Variants in COG3 observed in about 807,000 individuals in gnomAD.
COG3 encodes the protein component of oligomeric golgi complex 3.
COG3 carries 32 observed loss-of-function variants against 114.1 expected under a neutral mutation model. The ratio of observed to expected loss-of-function variants is 0.28; its 90% CI spans 0.21 to 0.38. The LOEUF (loss-of-function observed/expected upper bound fraction) is 0.38. COG3 is among the 10% of genes least tolerant of loss of function. The pLI is 1.00. For missense variants in COG3, 813 were observed against 973.2 expected (o/e 0.84, Z 2.19); for synonymous variants, 352 against 365.7 (o/e 0.96, Z 0.43).
At chr13:45,517,386 T>G (rs1207486086) in intron 17 of COG3, among the ~76,000 whole-genome samples, 1 of 152,210 alleles carries the variant, frequency 6.6e-6, no homozygotes, top group African/African-American at 2.4e-5. Flanking sequence ...TGATGATTCT[T>G]CTTAAAACAG....
At chr13:45,491,612 T>A in intron 10 of COG3, 74 bp downstream of exon 10, 3 of 1,397,200 alleles carry the variant, frequency 2.1e-6, no homozygotes. Flanking sequence ...AAACTATACC[T>A]GGTTAAATAA....
chr13:45,476,307 C>T lies in COG3; in HGVS notation c.281C>T (p.Ser94Phe), dbSNP rs749623132. 1.9e-6 allele frequency: 3 copies of T among 1,613,808 alleles called. No individual in the cohort carries two copies. The highest frequency in any genetic ancestry group is 3.3e-5 in the Admixed American group (2 of 60,006). Residue 94 changes from serine to phenylalanine, a missense_variant, in exon 2 of 23, where the codon TCC becomes TTC. Ser to Phe is a radical substitution (Grantham distance 155). This residue lies in a region of COG3 where 424 missense variants were observed against 430.6 expected (regional missense o/e 0.98). Coordinates refer to ENST00000349995, the MANE Select transcript of COG3 (RefSeq NM_031431.4). ...TEDILLKGFT[S>F]LGMEEERIET... ...GACATTCTCTTGAAGGGCTTCACTT[C>T]CTTAGGAATGGAAGAAGAAAGAATT... is the stretch of plus-strand genomic sequence containing the variant.
chr13:45,528,577 A>G (rs1314968465), intron 20 of COG3, among the ~76,000 whole-genome samples: 1 of 152,246 alleles, frequency 6.6e-6, no homozygotes, highest in Non-Finnish European at 1.5e-5. Flanking sequence ...TCCTTCTTTC[A>G]GAGGCAACTA....
At chr13:45,483,073 A>G (rs911184843) in intron 6 of COG3, among the ~76,000 whole-genome samples, 157 bp from the exon 7 acceptor site, 6 of 152,362 alleles carry the variant, frequency 3.9e-5, no homozygotes, top group South Asian at 4.1e-4. Flanking sequence ...TAAGACAGTC[A>G]CAGTATTTAT....
intron 14 of COG3, among the ~76,000 whole-genome samples, chr13:45,507,188 T>A (rs1870251351): frequency 6.6e-6 from 1 of 152,244 alleles, no homozygotes; most frequent in Non-Finnish European, 1.5e-5. Flanking sequence ...ACTAAACTTT[T>A]ATTTGGGAGA....
intron 1 of COG3, among the ~76,000 whole-genome samples, chr13:45,468,061 T>C (rs1231643718): frequency 6.6e-6 from 1 of 152,236 alleles, no homozygotes; most frequent in African/African-American, 2.4e-5. Flanking sequence ...AGGTAGACTT[T>C]TGTAGCCAGG....
At chr13:45,522,214 G>T (rs1192281247) in intron 19 of COG3, among the ~76,000 whole-genome samples, 4 of 150,256 alleles carry the variant, frequency 2.7e-5, no homozygotes, top group Non-Finnish European at 5.9e-5. Flanking sequence ...GTGTTTGTAG[G>T]TCTCGGTATT....
At chr13:45,510,101 G>A (rs1870695379) in intron 15 of COG3, among the ~76,000 whole-genome samples, 1 of 152,058 alleles carries the variant, frequency 6.6e-6, no homozygotes, top group Non-Finnish European at 1.5e-5. Flanking sequence ...GACCCTGACT[G>A]CATTTAGAGC....
intron 1 of COG3, chr13:45,465,738 C>G (rs558173299): frequency 6.6e-6 from 1 of 152,608 alleles, no homozygotes; most frequent in African/African-American, 2.4e-5. Flanking sequence ...ACTATGAGCT[C>G]TCAATCAAGT....
chr13:45,487,344 G>T (rs1248488303), intron 8 of COG3, among the ~76,000 whole-genome samples: 2 of 152,130 alleles, frequency 1.3e-5, no homozygotes, highest in Non-Finnish European at 2.9e-5. Flanking sequence ...AAGATTTTAT[G>T]GCTAAAACTT....
Position 45,530,669 on chromosome 13 carries a change from C to T in COG3, c.2359-13C>T. The T allele has an allele frequency of 6.7e-7, 1 of 1,492,034 alleles. No homozygotes were observed. Among genetic ancestry groups the T allele is most frequent in the Non-Finnish European group, 9.4e-7 (1 of 1,069,108 alleles). 92.4% of individuals were successfully genotyped at this position (1,492,034 alleles called of 1,614,324 possible). On this transcript the variant is annotated splice_polypyrimidine_tract_variant and intron_variant, in intron 21 of 22. Coordinates refer to ENST00000349995, the MANE Select transcript of COG3 (RefSeq NM_031431.4). Reference sequence around the variant, plus strand: ...CAACTCATTTGATAAGATCTCCTCTCCTCCTTTCTAAGAATAATATTCAGC... The same window carrying T: ...CAACTCATTTGATAAGATCTCCTCTTCTCCTTTCTAAGAATAATATTCAGC...
chr13:45,482,704 T>C (rs1886324549), intron 6 of COG3, among the ~76,000 whole-genome samples: 1 of 152,228 alleles, frequency 6.6e-6, no homozygotes, highest in South Asian at 2.1e-4. Flanking sequence ...AAAAGTACTT[T>C]TAGCTCCTGC....
intron 8 of COG3, among the ~76,000 whole-genome samples, chr13:45,487,795 T>G (rs1486721465): frequency 6.6e-6 from 1 of 152,128 alleles, no homozygotes; most frequent in South Asian, 2.1e-4. Flanking sequence ...GGAATGTAAA[T>G]TAGTACAGCT....
intron 6 of COG3, among the ~76,000 whole-genome samples, chr13:45,482,683 G>C (rs1246122379): frequency 6.6e-6 from 1 of 152,170 alleles, no homozygotes; most frequent in Non-Finnish European, 1.5e-5. Flanking sequence ...GTCGTTATTA[G>C]CAGTGGTGTA....
chr13:45,475,987 A>G (rs772940040), intron 1 of COG3, among the ~76,000 whole-genome samples: 2 of 152,048 alleles, frequency 1.3e-5, no homozygotes, highest in African/African-American at 2.4e-5. Context: ...AAAGCTTACT[A>G]ATGGTGGGAC....
chr13:45,504,705 G>A (rs973484151), intron 14 of COG3, among the ~76,000 whole-genome samples: 13 of 152,168 alleles, frequency 8.5e-5, no homozygotes, highest in African/African-American at 2.7e-4. Flanking sequence ...GTTGAATAAG[G>A]TCCATGTGGA....
intron 8 of COG3, among the ~76,000 whole-genome samples, chr13:45,489,321 A>G (rs1411414105): frequency 7.0e-6 from 1 of 142,104 alleles, no homozygotes; most frequent in African/African-American, 2.5e-5. Context: ...AAATGGGAGA[A>G]ACTTAGTTTT....
At chr13:45,526,619 C>G (rs550707877) in intron 20 of COG3, among the ~76,000 whole-genome samples, 1 of 152,220 alleles carries the variant, frequency 6.6e-6, no homozygotes, top group African/African-American at 2.4e-5. Context: ...TTAGGTGTTT[C>G]GTTTACCATG....
intron 19 of COG3, among the ~76,000 whole-genome samples, chr13:45,520,768 AT>A (rs1170647054): frequency 2.0e-5 from 3 of 152,120 alleles, no homozygotes; most frequent in Non-Finnish European, 4.4e-5. Flanking sequence ...CTAGGTTTTG[AT>A]TTTTTAAAAA....
Sources: allele counts gnomAD v4.1 joint callset (sites outside exome capture counted in the v4.1 genomes callset), GRCh38; gene constraint gnomAD v4.1.1; regional missense constraint gnomAD v4.1.1; transcripts MANE v1.5; gene names NCBI Gene and HGNC (gene_info 2026-07-23, HGNC 2026-07-21).